Variants in WDR3 observed in about 807,000 individuals in gnomAD.
WDR3 encodes the protein WD repeat domain 3.
A neutral mutation model predicts 123.7 loss-of-function variants in WDR3; 81 were observed. That is an observed-to-expected ratio of 0.65 (90% CI 0.55 to 0.79). The LOEUF is 0.79. Ranked by LOEUF, WDR3 falls within the 30% of genes least tolerant of loss-of-function variation. WDR3 has a pLI of 0.00. For synonymous variants in WDR3, 390 were observed against 388.8 expected (o/e 1.00, Z -0.04); for missense variants, 1,027 against 1,123.2 (o/e 0.91, Z 1.22).
chr1:117,949,710 T>A, intron 13 of WDR3, 41 bp from the exon 14 acceptor site: 10 of 1,598,796 alleles, frequency 6.3e-6, no homozygotes, highest in Non-Finnish European at 8.5e-6. Flanking sequence ...AAAGTTTTTA[T>A]GCTAAAATAG....
intron 6 of WDR3, among the ~76,000 whole-genome samples, chr1:117,940,090 A>G (rs1651089568): frequency 6.6e-6 from 1 of 152,108 alleles, no homozygotes. Flanking sequence ...ATTTAAGGAG[A>G]AAATGTATCT....
Position 117,966,305 on chromosome 1 carries a change from A to G in WDR3, c.*6858A>G. On this transcript the variant is annotated 3_prime_UTR_variant, in exon 27 of 27. Coordinates refer to ENST00000349139, the MANE Select transcript of WDR3 (RefSeq NM_006784.3). ...AAGGTATTTCCTATCCTTCCATAAAATTATAATTTTTTTGTGATAGATACT... is the reference window on the plus strand; with the variant it reads ...AAGGTATTTCCTATCCTTCCATAAAGTTATAATTTTTTTGTGATAGATACT... 4.6e-6 allele frequency: 1 copy of G among 217,182 alleles called. No homozygotes were observed. The allele number at this position is 217,182 out of a possible 1,614,324, so 13.5% of individuals were successfully genotyped here. A position where few individuals can be genotyped will look rare whatever the true frequency, so the allele number is the denominator to read the frequency against.
At chr1:117,932,023 A>G (rs753517605) in intron 1 of WDR3, among the ~76,000 whole-genome samples, 1 of 152,212 alleles carries the variant, frequency 6.6e-6, no homozygotes, top group Non-Finnish European at 1.5e-5. Flanking sequence ...CTCCTCATAA[A>G]AGACTGTAAC....
chr1:117,931,258 A>G (rs780544586), intron 1 of WDR3, among the ~76,000 whole-genome samples: 8 of 152,172 alleles, frequency 5.3e-5, no homozygotes, highest in Non-Finnish European at 1.0e-4. Flanking sequence ...CATATTTACA[A>G]TGTGCTAGAG....
intron 13 of WDR3, among the ~76,000 whole-genome samples, chr1:117,949,455 T>C (rs1651521062): frequency 6.6e-6 from 1 of 152,204 alleles, no homozygotes; most frequent in Admixed American, 6.5e-5. Context: ...TATGTATATT[T>C]TTCAAACTGG....
At chr1:117,955,225 G>T in intron 23 of WDR3, 90 bp from the exon 24 acceptor site, 1 of 1,057,506 alleles carries the variant, frequency 9.5e-7, no homozygotes, top group East Asian at 2.5e-5. Context: ...TAAGAAGGAG[G>T]GGTTCCTGTT....
At chr1:117,933,978 G>C (rs1247850132) in intron 2 of WDR3, among the ~76,000 whole-genome samples, 2 of 152,094 alleles carry the variant, frequency 1.3e-5, no homozygotes, top group Non-Finnish European at 2.9e-5. Flanking sequence ...ACCAAATATA[G>C]GCATTTTGAT....
At position 117,943,199 on chromosome 1, in the gene WDR3, C is replaced by T. The variant is rs375788496; in HGVS notation, c.1098-197C>T. ...AACTCCTGACCTCAAGTGATCCACCCGCCTCGGCCTCCCAACATGCTGGGA... is the reference window on the plus strand; with the variant it reads ...AACTCCTGACCTCAAGTGATCCACCTGCCTCGGCCTCCCAACATGCTGGGA... On this transcript the variant is annotated intron_variant, in intron 10 of 26. Coordinates refer to ENST00000349139, the MANE Select transcript of WDR3 (RefSeq NM_006784.3). 2.8e-4 allele frequency among the ~76,000 whole-genome samples: 42 copies of T among 152,224 alleles called. No individual in the cohort carries two copies. The East Asian group carries it at 3.7e-3, about 13-fold the overall frequency.
intron 3 of WDR3, among the ~76,000 whole-genome samples, chr1:117,935,964 T>A (rs6698697): frequency 0.45 from 68,595 of 151,436 alleles, 15,751 homozygotes; most frequent in South Asian, 0.63. Context: ...CAAAAGAAAG[T>A]CATGAATTGG....
In WDR3 at chr1:117,954,450, ACT is replaced by A. The variant is rs1440240165; in HGVS notation, c.2362-127_2362-126del. On this transcript the variant is annotated intron_variant, in intron 22 of 26. Coordinates refer to ENST00000349139, the MANE Select transcript of WDR3 (RefSeq NM_006784.3). ...CTAACAGGTTTGATAATTCTTTTAC[ACT>A]CTGTCAGTTTTTTAGGGTCTCTTTT... The A allele has an allele frequency of 1.2e-5, 10 of 827,850 alleles. No homozygotes were observed. The East Asian group carries it at 2.6e-4, about 21-fold the overall frequency. The allele number at this position is 827,850 out of a possible 1,614,324, so 51.3% of individuals were successfully genotyped here. A position where few individuals can be genotyped will look rare whatever the true frequency, so the allele number is the denominator to read the frequency against.
At chr1:117,952,725 A>T in intron 19 of WDR3, 63 bp downstream of exon 19, 1 of 1,583,556 alleles carries the variant, frequency 6.3e-7, no homozygotes, top group Non-Finnish European at 8.6e-7. Context: ...TCCTAGTTGA[A>T]GTTTTCTGTC....
In WDR3 at chr1:117,953,480, C is replaced by T. The variant is rs779838822; in HGVS notation, c.2207C>T (p.Pro736Leu). ...GGATTTCTTTGTTTCTGGCAGGTTC[C>T]AGGAGAGACTCAAGGTGACAGTTAC... Reference protein sequence around the residue: ...SVAKEDQPAVPGETQGDSYFT... With the variant: ...SVAKEDQPAVLGETQGDSYFT... The change falls in exon 21 of 27, where the codon CCA becomes CTA. Residue 736 changes from proline (P) to leucine (L), a missense_variant. Physicochemically the swap from Pro to Leu is moderately conservative, Grantham distance 98. Transcript: ENST00000349139. The T allele has an allele frequency of 6.2e-6, 10 of 1,612,532 alleles. No homozygotes were observed. Among genetic ancestry groups the T allele is most frequent in the Non-Finnish European group, 8.5e-6 (10 of 1,179,104 alleles).
chr1:117,963,275 G>T lies in WDR3; in HGVS notation c.*3828G>T, dbSNP rs989712035. The T allele has an allele frequency of 6.6e-6, 1 of 151,976 alleles. No homozygotes were observed. The highest frequency in any genetic ancestry group is 1.5e-5 in the Non-Finnish European group (1 of 68,018). 9.4% of individuals were successfully genotyped at this position (151,976 alleles called of 1,614,324 possible). A position where few individuals can be genotyped will look rare whatever the true frequency, so the allele number is the denominator to read the frequency against. ...ATGGGATGTGTCTTCCAAGATTAGG[G>T]TATAAAGCACTGAATTCTACCTTGC... On this transcript the variant is annotated 3_prime_UTR_variant, in exon 27 of 27. Transcript: ENST00000349139.
intron 3 of WDR3, among the ~76,000 whole-genome samples, chr1:117,935,733 G>A (rs573925796): frequency 5.9e-5 from 9 of 151,956 alleles, no homozygotes; most frequent in African/African-American, 1.9e-4. Context: ...GTAAATATCC[G>A]ATAGCAAGGT....
At position 117,963,816 on chromosome 1, in the gene WDR3, T is replaced by C; in HGVS notation, c.*4369T>C. 6.2e-7 allele frequency: 1 copy of C among 1,612,882 alleles called. No individual in the cohort carries two copies. Among genetic ancestry groups the C allele is most frequent in the Non-Finnish European group, 8.5e-7 (1 of 1,179,378 alleles). On this transcript the variant is annotated 3_prime_UTR_variant, in exon 27 of 27. Transcript: ENST00000349139. ...TACTGTACCTAATGTGGAGAAACTT[T>C]ACGAGACATGAAGACTCCAAGTGTG... is the stretch of plus-strand genomic sequence containing the variant.
chr1:117,949,667 C>T, intron 13 of WDR3, 84 bp from the exon 14 acceptor site: 6 of 1,437,866 alleles, frequency 4.2e-6, no homozygotes, highest in Non-Finnish European at 5.7e-6. Context: ...AATAAAAATA[C>T]TTTCTTAGAC....
chr1:117,936,699 ATTGT>A, intron 3 of WDR3, 66 bp from the exon 4 acceptor site: 1 of 1,227,718 alleles, frequency 8.1e-7, no homozygotes, highest in African/African-American at 1.5e-5. Flanking sequence ...ATTAAGTCTC[ATTGT>A]TTGTCAAGTT....
chr1:117,934,090 A>G lies in WDR3; in HGVS notation c.172-383A>G, dbSNP rs570937941. On this transcript the variant is annotated intron_variant, in intron 2 of 26. Coordinates refer to ENST00000349139, the MANE Select transcript of WDR3 (RefSeq NM_006784.3). ...AACCACTGCAGTACTCTGTTGCCAC[A>G]CAGATTATTTTCTTATAAAATGGGT... Among the ~76,000 whole-genome samples the G allele has an allele frequency of 3.9e-5, 6 of 152,334 alleles. No homozygotes were observed. In the East Asian group the frequency reaches 1.2e-3, roughly 29 times the overall value.
Position 117,961,917 on chromosome 1 carries a change from A to T in WDR3, c.*2470A>T, listed in dbSNP as rs574535529. The stretch of plus-strand genomic sequence containing the variant: ...GAGAGGAGTTAATTCTTGAAAAAAA[A>T]TTTAATTTTTTATGAGAACAGAAGT... On this transcript the variant is annotated 3_prime_UTR_variant, in exon 27 of 27. Coordinates refer to ENST00000349139, the MANE Select transcript of WDR3 (RefSeq NM_006784.3). 3 of 152,336 alleles carry T rather than the reference A, an allele frequency of 2.0e-5. No homozygotes were observed. The highest frequency in any genetic ancestry group is 4.8e-5 in the African/African-American group (2 of 41,528). 9.4% of individuals were successfully genotyped at this position (152,336 alleles called of 1,614,324 possible). A position where few individuals can be genotyped will look rare whatever the true frequency, so the allele number is the denominator to read the frequency against.
Sources: gnomAD v4.1 joint callset for allele counts (sites outside exome capture counted in the v4.1 genomes callset) on GRCh38, gnomAD v4.1.1 for gene constraint, MANE v1.5 for transcripts, NCBI Gene and HGNC (gene_info 2026-07-23, HGNC 2026-07-21) for gene names.